DLC1: variants seen among roughly 807,000 people sequenced by gnomAD.
DLC1 encodes rho GTPase-activating protein 7.
DLC1 carries 54 observed loss-of-function variants against 140.3 expected under a neutral mutation model. The observed-to-expected ratio is 0.38, with a 90% confidence interval of 0.31 to 0.48. The LOEUF (loss-of-function observed/expected upper bound fraction) is 0.48, where lower values mean the gene tolerates loss of function less well. DLC1 is among the 20% of genes least tolerant of loss of function. The probability of loss-of-function intolerance (pLI) is 0.96; values close to 1 mark genes in which losing one functional copy is unlikely to be tolerated. For missense variants in DLC1, 2,536 were observed against 1,907.0 expected (o/e 1.33, Z -6.14); for synonymous variants, 986 against 728.1 (o/e 1.35, Z -5.70).
At chr8:13,412,594 T>G (rs895319690) in intron 2 of DLC1, among the ~76,000 whole-genome samples, 2 of 152,164 alleles carry the variant, frequency 1.3e-5, no homozygotes, top group Non-Finnish European at 2.9e-5. Flanking sequence ...CAGATTCACA[T>G]GCACTGACAG....
At chr8:13,432,860 A>G (rs567242370) in intron 2 of DLC1, among the ~76,000 whole-genome samples, 53 of 152,014 alleles carry the variant, frequency 3.5e-4, no homozygotes, top group Non-Finnish European at 5.6e-4. Flanking sequence ...GAGAAGGGAA[A>G]CACTTTCAAG....
intron 5 of DLC1, among the ~76,000 whole-genome samples, chr8:13,163,061 C>T (rs548278479): frequency 2.0e-5 from 3 of 152,226 alleles, no homozygotes; most frequent in African/African-American, 7.2e-5. Flanking sequence ...GACACCTGTA[C>T]AGGCAGGCAT....
rs916928299 is a variant in DLC1, at chr8:13,398,495, T to C, written c.1173+2975A>G. Among the ~76,000 whole-genome samples the C allele has an allele frequency of 2.0e-5, 3 of 151,440 alleles. No individual in the cohort carries two copies. In the East Asian group the frequency reaches 5.9e-4, roughly 30 times the overall value. On this transcript the variant is annotated intron_variant, in intron 3 of 17. Transcript: ENST00000276297. ...AAATCAAGAAAGAGGCTGAGTATGA[T>C]GGCTCATGCTTATAATCCCAACACA...
intron 4 of DLC1, among the ~76,000 whole-genome samples, chr8:13,307,069 G>A (rs370318881): frequency 9.3e-6 from 1 of 107,448 alleles, no homozygotes; most frequent in Non-Finnish European, 1.8e-5. Flanking sequence ...GGGTGACAGA[G>A]AGAGACTCTG....
chr8:13,363,570 A>G (rs1326719671), intron 4 of DLC1, among the ~76,000 whole-genome samples: 1 of 152,140 alleles, frequency 6.6e-6, no homozygotes, highest in Non-Finnish European at 1.5e-5. Flanking sequence ...AGAGGTGAAG[A>G]GCAAATTATT....
chr8:13,474,601 A>G (rs1325016470), intron 2 of DLC1, among the ~76,000 whole-genome samples: 2 of 152,176 alleles, frequency 1.3e-5, no homozygotes, highest in African/African-American at 4.8e-5. Flanking sequence ...AGCAGCTGGG[A>G]GAGGGGCTAA....
chr8:13,597,507 TGG>T (rs1351234328), intron 1 of DLC1, among the ~76,000 whole-genome samples: 1 of 152,112 alleles, frequency 6.6e-6, no homozygotes, highest in Non-Finnish European at 1.5e-5. Flanking sequence ...ATAGTAACTC[TGG>T]GTGTTTTACC....
intron 2 of DLC1, among the ~76,000 whole-genome samples, chr8:13,409,839 T>A (rs1314187706): frequency 3.3e-5 from 5 of 152,262 alleles, no homozygotes; most frequent in Middle Eastern, 3.4e-3. Context: ...TTTGGACACT[T>A]CTACGTGCTA....
chr8:13,230,941 G>A (rs969279124), intron 5 of DLC1, among the ~76,000 whole-genome samples: 2 of 152,074 alleles, frequency 1.3e-5, no homozygotes, highest in African/African-American at 4.8e-5. Context: ...ATTGCTTTGA[G>A]AAGAAACATC....
At position 13,193,780 on chromosome 8, in the gene DLC1, G is replaced by C. The variant is rs1478182191; in HGVS notation, c.1349-78123C>G. 2.0e-5 allele frequency among the ~76,000 whole-genome samples: 3 copies of C among 152,246 alleles called. No homozygotes were observed. In the East Asian group the frequency reaches 5.8e-4, roughly 29 times the overall value. On this transcript the variant is annotated intron_variant, in intron 5 of 17. Coordinates refer to ENST00000276297, the MANE Select transcript of DLC1 (RefSeq NM_182643.3). Reference sequence around the variant, plus strand: ...AAATTGCTGAAAAGAATGCCAACAAGTTGTAATTACCATAGCCCTCTCTGG... The same window carrying C: ...AAATTGCTGAAAAGAATGCCAACAACTTGTAATTACCATAGCCCTCTCTGG...
chr8:13,230,141 C>T (rs534077324), intron 5 of DLC1, among the ~76,000 whole-genome samples: 1 of 152,198 alleles, frequency 6.6e-6, no homozygotes, highest in African/African-American at 2.4e-5. Context: ...AGGCGAGAAA[C>T]GGCATTGTCT....
chr8:13,312,367 A>T (rs1586115787), intron 4 of DLC1, among the ~76,000 whole-genome samples: 1 of 105,014 alleles, frequency 9.5e-6, no homozygotes, highest in East Asian at 2.2e-4. Flanking sequence ...TCTCAAAAAA[A>T]AAAAAAAAAA....
intron 4 of DLC1, among the ~76,000 whole-genome samples, chr8:13,365,004 G>T (rs1379071023): frequency 6.6e-6 from 1 of 152,170 alleles, no homozygotes; most frequent in East Asian, 1.9e-4. Context: ...GTAAATCTTT[G>T]CCCACAGACT....
At position 13,321,551 on chromosome 8, in the gene DLC1, A is replaced by C. The variant is rs1298943660; in HGVS notation, c.1315-16249T>G. On this transcript the variant is annotated intron_variant, in intron 4 of 17. Coordinates refer to ENST00000276297, the MANE Select transcript of DLC1 (RefSeq NM_182643.3). ...GACTCAGTCTCAAAAAAGAAAAAAA[A>C]AAAAAAAAAAAAAAAGAAACCTAAA... 1.4e-3 allele frequency among the ~76,000 whole-genome samples: 208 copies of C among 150,420 alleles called. 2 individuals are homozygous for C. The highest frequency in any genetic ancestry group is 4.9e-3 in the African/African-American group (201 of 40,946).
At chr8:13,186,529 T>G (rs1049032772) in intron 5 of DLC1, among the ~76,000 whole-genome samples, 5 of 152,210 alleles carry the variant, frequency 3.3e-5, no homozygotes, top group African/African-American at 9.7e-5. Context: ...CTACACTGTT[T>G]ATTCTAGGTA....
chr8:13,163,436 G>A (rs774940669), intron 5 of DLC1, among the ~76,000 whole-genome samples: 8 of 152,114 alleles, frequency 5.3e-5, no homozygotes, highest in Non-Finnish European at 1.2e-4. Flanking sequence ...AGGGTTCCCA[G>A]GCATTAAGGT....
At chr8:13,088,193 C>T (rs578122400) in intron 16 of DLC1, among the ~76,000 whole-genome samples, 1 of 151,660 alleles carries the variant, frequency 6.6e-6, no homozygotes, top group Non-Finnish European at 1.5e-5. Context: ...GATCCTCCTG[C>T]CTCGGCCTCC....
At chr8:13,261,708 A>G (rs1439460794) in intron 5 of DLC1, among the ~76,000 whole-genome samples, 8 of 152,162 alleles carry the variant, frequency 5.3e-5, no homozygotes. Flanking sequence ...GGCTGATGGA[A>G]GAAATGTAGG....
At chr8:13,395,893 T>C (rs1001458720) in intron 3 of DLC1, among the ~76,000 whole-genome samples, 1 of 151,868 alleles carries the variant, frequency 6.6e-6, no homozygotes, top group Non-Finnish European at 1.5e-5. Flanking sequence ...CATTTTACCC[T>C]AAGAATATGA....
Sources: allele counts gnomAD v4.1 joint callset (sites outside exome capture counted in the v4.1 genomes callset), GRCh38; gene constraint gnomAD v4.1.1; transcripts MANE v1.5; gene names NCBI Gene and HGNC (gene_info 2026-07-23, HGNC 2026-07-21).